Variants in VDAC1 observed in about 807,000 individuals in gnomAD.
The protein encoded by VDAC1 is non-selective voltage-gated ion channel VDAC1.
Under a neutral mutation model 34.7 loss-of-function variants are expected in VDAC1, and 10 were observed. The ratio of observed to expected loss-of-function variants is 0.29; its 90% CI spans 0.18 to 0.49. The LOEUF is 0.49. Among genes scored for constraint, VDAC1 ranks in the 20% least tolerant of loss-of-function variants. VDAC1 has a pLI of 0.99. For missense variants in VDAC1, 230 were observed against 347.9 expected, an observed-to-expected ratio of 0.66 and a Z score of 2.69; for synonymous variants, 130 against 136.0, an observed-to-expected ratio of 0.96 and a Z score of 0.30.
chr5:134,090,222 C>T, the VDAC1 span, among the ~76,000 whole-genome samples: 1 of 152,178 alleles, frequency 6.6e-6, no homozygotes, highest in East Asian at 1.9e-4. Flanking sequence ...GCCCCAGGAG[C>T]TACTCTAATT....
rs192892418 is a variant in VDAC1, at chr5:133,989,772, C to G, written c.323+1083G>C. 2.3e-3 allele frequency among the ~76,000 whole-genome samples: 355 copies of G among 152,306 alleles called. 3 individuals are homozygous for G. The highest frequency in any genetic ancestry group is 8.3e-3 in the African/African-American group (345 of 41,558). The stretch of plus-strand genomic sequence containing the variant: ...CTGCCTCCCAGGTTCAAGCGATTCT[C>G]CTGCCTCAGCCTCCCAAGTAGCTGG... On this transcript the variant is annotated intron_variant, in intron 5 of 8. Coordinates refer to ENST00000265333, the MANE Select transcript of VDAC1 (RefSeq NM_003374.3).
chr5:134,058,954 T>G, the VDAC1 span, among the ~76,000 whole-genome samples: 4 of 152,114 alleles, frequency 2.6e-5, no homozygotes, highest in East Asian at 3.9e-4. Flanking sequence ...GGCTTTACAA[T>G]AACCGCCTCC....
At chr5:134,049,774 T>C in the VDAC1 span, among the ~76,000 whole-genome samples, 1 of 151,810 alleles carries the variant, frequency 6.6e-6, no homozygotes, top group African/African-American at 2.4e-5. Flanking sequence ...GAGATGGGGG[T>C]TTAGCCATGT....
chr5:134,059,455 C>G, the VDAC1 span, among the ~76,000 whole-genome samples: 1 of 152,092 alleles, frequency 6.6e-6, no homozygotes, highest in Non-Finnish European at 1.5e-5. Context: ...TAGGCAGTGG[C>G]CCCAGGGAAG....
the VDAC1 span, among the ~76,000 whole-genome samples, chr5:134,089,441 G>A: frequency 5.9e-5 from 9 of 152,206 alleles, no homozygotes; most frequent in African/African-American, 9.7e-5. Flanking sequence ...ATTTGAAGGA[G>A]CCTATAACCC....
chr5:133,999,141 T>A (rs1029455966), intron 1 of VDAC1, among the ~76,000 whole-genome samples: 12 of 152,150 alleles, frequency 7.9e-5, no homozygotes, highest in Admixed American at 5.2e-4. Flanking sequence ...TGAGACCCTG[T>A]CTCTTTTAAA....
upstream of VDAC1, among the ~76,000 whole-genome samples, chr5:134,009,204 A>G (rs1369716320): frequency 6.6e-6 from 1 of 151,134 alleles, no homozygotes. Flanking sequence ...TTGGAAAGAA[A>G]TGTATTAAGT....
chr5:134,045,960 C>A, the VDAC1 span, among the ~76,000 whole-genome samples: 868 of 151,708 alleles, frequency 5.7e-3, 10 homozygotes, highest in African/African-American at 0.02. Context: ...GCTGGGATTA[C>A]AGGCATGAGC....
intron 5 of VDAC1, among the ~76,000 whole-genome samples, chr5:133,987,908 A>G (rs2126957260): frequency 6.6e-6 from 1 of 152,304 alleles, no homozygotes; most frequent in East Asian, 1.9e-4. Flanking sequence ...ATATAACACA[A>G]CAACTACAGT....
chr5:134,112,139 G>T, the VDAC1 span, among the ~76,000 whole-genome samples: 1 of 152,152 alleles, frequency 6.6e-6, no homozygotes, highest in Non-Finnish European at 1.5e-5. Flanking sequence ...TTCCTTTCCA[G>T]CTTTCCAAAC....
chr5:133,977,520 GA>G (rs1284008190), intron 6 of VDAC1, among the ~76,000 whole-genome samples: 1 of 152,150 alleles, frequency 6.6e-6, no homozygotes, highest in Non-Finnish European at 1.5e-5. Flanking sequence ...CTCAGAATTT[GA>G]AAGTCTGCCC....
the VDAC1 span, among the ~76,000 whole-genome samples, chr5:134,110,884 C>T: frequency 0.8 from 121,666 of 152,230 alleles, 48,967 homozygotes; most frequent in Non-Finnish European, 0.86. Flanking sequence ...ATTTTCAGCT[C>T]TAGCCATGAT....
chr5:134,059,953 C>A, the VDAC1 span, among the ~76,000 whole-genome samples: 1 of 151,760 alleles, frequency 6.6e-6, no homozygotes, highest in Non-Finnish European at 1.5e-5. Flanking sequence ...CCTTCAGGAG[C>A]AATCACACCC....
intron 1 of VDAC1, among the ~76,000 whole-genome samples, chr5:133,998,990 T>C (rs2127010500): frequency 6.6e-6 from 1 of 152,214 alleles, no homozygotes; most frequent in East Asian, 1.9e-4. Context: ...AAATATGCTC[T>C]CTTCTCTGCA....
the VDAC1 span, among the ~76,000 whole-genome samples, chr5:134,077,555 G>A: frequency 6.6e-6 from 1 of 152,164 alleles, no homozygotes; most frequent in Non-Finnish European, 1.5e-5. Flanking sequence ...TTCCCATCAC[G>A]CTGGCATGCC....
chr5:133,998,397 G>A (rs565328030), intron 1 of VDAC1, among the ~76,000 whole-genome samples: 2 of 152,298 alleles, frequency 1.3e-5, no homozygotes, highest in African/African-American at 2.4e-5. Flanking sequence ...TTAGCCGGGC[G>A]TGGTGGTAAG....
chr5:134,045,479 A>G, the VDAC1 span, among the ~76,000 whole-genome samples: 1 of 152,230 alleles, frequency 6.6e-6, no homozygotes, highest in African/African-American at 2.4e-5. Flanking sequence ...TCTAGCTTCC[A>G]GGAGCTACCT....
At chr5:134,103,713 C>A in the VDAC1 span, among the ~76,000 whole-genome samples, 1 of 152,234 alleles carries the variant, frequency 6.6e-6, no homozygotes, top group Non-Finnish European at 1.5e-5. Context: ...AGATTTGAAT[C>A]TCATCCTCAA....
chr5:134,095,392 G>T, the VDAC1 span, among the ~76,000 whole-genome samples: 11 of 151,944 alleles, frequency 7.2e-5, no homozygotes, highest in Non-Finnish European at 1.3e-4. Context: ...CTGAGGTGGG[G>T]TGATTGCTTG....
Sources: gnomAD v4.1 joint callset for allele counts (sites outside exome capture counted in the v4.1 genomes callset) on GRCh38, gnomAD v4.1.1 for gene constraint, MANE v1.5 for transcripts, NCBI Gene and HGNC (gene_info 2026-07-23, HGNC 2026-07-21) for gene names.